SLIT3: variants seen among roughly 807,000 people sequenced by gnomAD.
SLIT3 encodes slit homolog 3 protein.
In SLIT3, 68 loss-of-function variants were observed where a neutral mutation model predicts 184.0. That is an observed-to-expected ratio of 0.37 (90% CI 0.30 to 0.45). SLIT3 has a LOEUF of 0.45. Among genes scored for constraint, SLIT3 ranks in the 20% least tolerant of loss-of-function variants. The probability of loss-of-function intolerance (pLI) is 1.00; values close to 1 mark genes in which losing one functional copy is unlikely to be tolerated. For missense variants in SLIT3, 1,707 were observed against 2,026.0 expected, an observed-to-expected ratio of 0.84 and a Z score of 3.02; for synonymous variants, 831 against 828.6, an observed-to-expected ratio of 1.00 and a Z score of -0.05.
chr5:169,032,324 G>A (rs942163815), intron 4 of SLIT3, among the ~76,000 whole-genome samples: 4 of 152,018 alleles, frequency 2.6e-5, no homozygotes, highest in African/African-American at 9.7e-5. Context: ...CAAGACTTTT[G>A]TGTCCTTAGG....
At chr5:169,005,671 C>T (rs1755893671) in intron 4 of SLIT3, among the ~76,000 whole-genome samples, 1 of 152,248 alleles carries the variant, frequency 6.6e-6, no homozygotes. Context: ...GCAAAGGACA[C>T]AGCTGTAATA....
At chr5:169,224,838 A>C (rs7721288) in intron 3 of SLIT3, among the ~76,000 whole-genome samples, 108,177 of 151,838 alleles carry the variant, frequency 0.71, 39,018 homozygotes, top group East Asian at 0.82. Flanking sequence ...AGGTGCCGGC[A>C]ACCATGCCCA....
At position 169,300,853 on chromosome 5, in the gene SLIT3, G is replaced by A. The variant is rs1425632436; in HGVS notation, c.-144C>T. 11 of 795,612 alleles carry A rather than the reference G, an allele frequency of 1.4e-5. No homozygotes were observed. Among genetic ancestry groups the A allele is most frequent in the South Asian group, 6.1e-5 (1 of 16,340 alleles). 49.3% of individuals were successfully genotyped at this position (795,612 alleles called of 1,614,324 possible). On this transcript the variant is annotated 5_prime_UTR_variant, in exon 1 of 36. Coordinates refer to ENST00000519560, the MANE Select transcript of SLIT3 (RefSeq NM_003062.4). The surrounding 1 kb of genome is among the most constrained non-coding windows in gnomAD (Gnocchi z 4.1). ...GGAGGGGCGAGCTCGGTGCTCAGGC[G>A]CACGGGGCGCGGGCGGAGCGGGGCG...
Position 168,666,314 on chromosome 5 carries a change from C to T in SLIT3, c.*140G>A. On this transcript the variant is annotated 3_prime_UTR_variant, in exon 36 of 36. Transcript: ENST00000519560. ...TAAGTTCTATTTTTTGTTTATTTTA[C>T]AATATACTTAATATTCTCTTCTTCT... 1.3e-6 allele frequency: 1 copy of T among 747,634 alleles called. No homozygotes were observed. The highest frequency in any genetic ancestry group is 2.0e-6 in the Non-Finnish European group (1 of 507,950). The allele number at this position is 747,634 out of a possible 1,614,324, so 46.3% of individuals were successfully genotyped here.
chr5:168,872,761 C>T (rs1759579152), intron 5 of SLIT3, among the ~76,000 whole-genome samples: 1 of 151,506 alleles, frequency 6.6e-6, no homozygotes, highest in Non-Finnish European at 1.5e-5. Flanking sequence ...GCCTCAGCCT[C>T]TCCCGAGTAG....
intron 4 of SLIT3, among the ~76,000 whole-genome samples, chr5:169,156,590 C>G (rs1394087838): frequency 6.6e-6 from 1 of 152,218 alleles, no homozygotes; most frequent in Non-Finnish European, 1.5e-5. Flanking sequence ...TACAACATTA[C>G]TGATGGGCAC....
At chr5:168,755,439 T>TTCTCTCTCTCTC (rs1312991581) in intron 16 of SLIT3, among the ~76,000 whole-genome samples, 1 of 71,102 alleles carries the variant, frequency 1.4e-5, no homozygotes. Flanking sequence ...CTTTCTTTCT[T>TTCTCTCTCTCTC]TCTTTCTTTT....
At chr5:169,093,966 A>G (rs1759682685) in intron 4 of SLIT3, among the ~76,000 whole-genome samples, 1 of 152,220 alleles carries the variant, frequency 6.6e-6, no homozygotes, top group Non-Finnish European at 1.5e-5. Context: ...TGTTAAGAGT[A>G]TACTATGTTC....
intron 4 of SLIT3, among the ~76,000 whole-genome samples, chr5:169,172,592 T>C (rs1009944493): frequency 8.5e-5 from 13 of 152,194 alleles, no homozygotes; most frequent in Admixed American, 5.2e-4. Context: ...TGAACACCCA[T>C]TAAAATGAAT....
intron 4 of SLIT3, among the ~76,000 whole-genome samples, chr5:169,007,040 G>A (rs909154456): frequency 1.3e-5 from 2 of 152,128 alleles, no homozygotes; most frequent in African/African-American, 4.8e-5. Flanking sequence ...CCTGGTGGGA[G>A]GTGACTGGAT....
At chr5:168,979,996 T>C (rs1420355301) in intron 4 of SLIT3, among the ~76,000 whole-genome samples, 1 of 152,072 alleles carries the variant, frequency 6.6e-6, no homozygotes, top group Admixed American at 6.6e-5. Flanking sequence ...AAAAAGGGGC[T>C]TCCCTCAGCT....
chr5:168,878,969 C>T (rs1383715010), intron 5 of SLIT3, among the ~76,000 whole-genome samples: 1 of 152,340 alleles, frequency 6.6e-6, no homozygotes, highest in African/African-American at 2.4e-5. Context: ...CCCGCCTTGG[C>T]CTCCCAAAAT....
intron 7 of SLIT3, 107 bp downstream of exon 7, chr5:168,823,152 AC>A (rs1409654444): frequency 1.1e-6 from 1 of 897,522 alleles, no homozygotes; most frequent in African/African-American, 1.6e-5. Context: ...GAATGTCGGA[AC>A]CATCTGCCTA....
At chr5:168,861,870 C>T (rs747106132) in intron 5 of SLIT3, among the ~76,000 whole-genome samples, 34 of 152,174 alleles carry the variant, frequency 2.2e-4, no homozygotes, top group Non-Finnish European at 3.7e-4. Context: ...TTCTGAGGCA[C>T]ACAATAAGGA....
At chr5:169,178,830 G>A (rs1211375955) in intron 4 of SLIT3, among the ~76,000 whole-genome samples, 1 of 152,142 alleles carries the variant, frequency 6.6e-6, no homozygotes, top group African/African-American at 2.4e-5. Flanking sequence ...ATTAAAGATA[G>A]TGATGAAGTC....
At chr5:169,089,509 C>T (rs1759487560) in intron 4 of SLIT3, among the ~76,000 whole-genome samples, 2 of 152,218 alleles carry the variant, frequency 1.3e-5, no homozygotes, top group African/African-American at 2.4e-5. Flanking sequence ...CCTTCTGCTC[C>T]AAGCAAACAA....
At chr5:168,920,112 C>T (rs1455809624) in intron 4 of SLIT3, among the ~76,000 whole-genome samples, 3 of 152,102 alleles carry the variant, frequency 2.0e-5, no homozygotes, top group African/African-American at 7.2e-5. Context: ...AGGCTCTCTG[C>T]AACAATGACC....
intron 4 of SLIT3, among the ~76,000 whole-genome samples, chr5:168,990,217 G>C (rs1184071378): frequency 1.3e-5 from 2 of 152,140 alleles, no homozygotes; most frequent in South Asian, 2.1e-4. Context: ...GCATAGCCAC[G>C]AGCCACCTTC....
chr5:168,977,085 A>AGACAAGT (rs1376196249), intron 4 of SLIT3, among the ~76,000 whole-genome samples: 1 of 152,196 alleles, frequency 6.6e-6, no homozygotes, highest in Non-Finnish European at 1.5e-5. Context: ...AAGTTAATGA[A>AGACAAGT]GACAAGTGAC....
Sources: allele counts gnomAD v4.1 joint callset (sites outside exome capture counted in the v4.1 genomes callset), GRCh38; gene constraint gnomAD v4.1.1; non-coding constraint Gnocchi (gnomAD v3.1); transcripts MANE v1.5; gene names NCBI Gene and HGNC (gene_info 2026-07-23, HGNC 2026-07-21).